Variants in ZNF536 observed in about 807,000 individuals in gnomAD.
ZNF536 encodes zinc finger protein 536.
A neutral mutation model predicts 84.5 loss-of-function variants in ZNF536; 13 were observed. The ratio of observed to expected loss-of-function variants is 0.15; its 90% CI spans 0.10 to 0.24. ZNF536 has a LOEUF of 0.24. Ranked by LOEUF, ZNF536 falls within the 10% of genes least tolerant of loss-of-function variation. ZNF536 has a pLI of 1.00. For missense variants in ZNF536, 1,536 were observed against 1,747.5 expected (o/e 0.88, Z 2.16); for synonymous variants, 811 against 742.5 (o/e 1.09, Z -1.50).
intron 2 of ZNF536, among the ~76,000 whole-genome samples, chr19:30,518,636 C>A (rs902358893): frequency 6.6e-6 from 1 of 152,216 alleles, no homozygotes; most frequent in Non-Finnish European, 1.5e-5. Flanking sequence ...AGAAGGACAT[C>A]TGAGGGAATG....
chr19:30,471,432 A>C (rs1390717004), intron 2 of ZNF536, among the ~76,000 whole-genome samples: 2 of 152,228 alleles, frequency 1.3e-5, no homozygotes, highest in South Asian at 4.1e-4. Flanking sequence ...ATAGAACATT[A>C]AACCAAATTC....
At chr19:30,570,471 C>T (rs894206443) in intron 1 of ZNF536, among the ~76,000 whole-genome samples, 5 of 152,122 alleles carry the variant, frequency 3.3e-5, no homozygotes, top group Non-Finnish European at 5.9e-5. Flanking sequence ...TTATTGTGCA[C>T]GTAGATATTA....
At chr19:30,293,863 G>A in intron 2 of ZNF536, among the ~76,000 whole-genome samples, 1 of 152,196 alleles carries the variant, frequency 6.6e-6, no homozygotes, top group East Asian at 1.9e-4. Flanking sequence ...GGGTGAGGGT[G>A]GCAGTTGCTT....
At chr19:30,231,295 G>T (rs993366850) in intron 1 of ZNF536, among the ~76,000 whole-genome samples, 3 of 152,218 alleles carry the variant, frequency 2.0e-5, no homozygotes, top group African/African-American at 7.2e-5. Flanking sequence ...TCCAAGTGAG[G>T]CCTTAGATTT....
chr19:30,636,256 A>G (rs2049060945), intron 1 of ZNF536, among the ~76,000 whole-genome samples: 1 of 152,120 alleles, frequency 6.6e-6, no homozygotes, highest in Non-Finnish European at 1.5e-5. Context: ...GGTCCTACGC[A>G]GACAGGAAAA....
chr19:30,593,309 G>A (rs2146821200), intron 1 of ZNF536, among the ~76,000 whole-genome samples: 1 of 152,258 alleles, frequency 6.6e-6, no homozygotes, highest in South Asian at 2.1e-4. Flanking sequence ...AGTGAGGGAG[G>A]AACCTCATGA....
intron 2 of ZNF536, among the ~76,000 whole-genome samples, chr19:30,335,616 C>T (rs2047357832): frequency 6.6e-6 from 1 of 152,156 alleles, no homozygotes; most frequent in South Asian, 2.1e-4. Context: ...TCCTCCCTGG[C>T]ACATCTTAGC....
intron 1 of ZNF536, among the ~76,000 whole-genome samples, chr19:30,432,278 G>A (rs866133771): frequency 5.9e-5 from 9 of 152,108 alleles, no homozygotes; most frequent in East Asian, 3.9e-4. Flanking sequence ...TCCCCTCTCC[G>A]GCATGGTGAC....
intron 1 of ZNF536, among the ~76,000 whole-genome samples, chr19:30,435,206 GTGA>G (rs1440007538): frequency 2.0e-5 from 3 of 150,350 alleles, no homozygotes; most frequent in African/African-American, 4.9e-5. Context: ...GCTGATGATG[GTGA>G]TGATGATGGT....
At chr19:30,433,777 G>A (rs566771575) in intron 1 of ZNF536, among the ~76,000 whole-genome samples, 18 of 152,276 alleles carry the variant, frequency 1.2e-4, no homozygotes, top group South Asian at 2.1e-4. Context: ...GATTACAGGC[G>A]TGAGCCACCA....
chr19:30,707,257 A>T (rs779060140), intron 1 of ZNF536, among the ~76,000 whole-genome samples: 7 of 152,144 alleles, frequency 4.6e-5, no homozygotes, highest in Non-Finnish European at 2.9e-5. Flanking sequence ...TGCCCATCCC[A>T]TTGCCTCTGA....
chr19:30,666,752 T>C (rs1352533934), intron 1 of ZNF536, among the ~76,000 whole-genome samples: 1 of 151,342 alleles, frequency 6.6e-6, no homozygotes, highest in African/African-American at 2.4e-5. Flanking sequence ...TGTATATATA[T>C]AATATAAATA....
intron 1 of ZNF536, among the ~76,000 whole-genome samples, chr19:30,700,288 C>T (rs1481263273): frequency 1.4e-5 from 2 of 144,364 alleles, no homozygotes; most frequent in Non-Finnish European, 3.0e-5. Flanking sequence ...TTCTTTCTCT[C>T]CCTCCCTCCT....
At chr19:30,564,694 G>A (rs895437327) in intron 1 of ZNF536, among the ~76,000 whole-genome samples, 1 of 152,234 alleles carries the variant, frequency 6.6e-6, no homozygotes, top group Non-Finnish European at 1.5e-5. Flanking sequence ...GCCAGTTTCA[G>A]GAGGAAATGC....
chr19:30,278,702 T>C (rs935975873), intron 1 of ZNF536, among the ~76,000 whole-genome samples: 8 of 152,194 alleles, frequency 5.3e-5, no homozygotes, highest in African/African-American at 1.9e-4. Flanking sequence ...CTCACTGCTT[T>C]GTCATGGAAC....
chr19:30,616,631 C>T lies in ZNF536; in HGVS notation c.169+67117C>T, dbSNP rs115400317. On this transcript the variant is annotated intron_variant, in intron 1 of 1. Transcript: ENST00000592773. ...ATGATTGATTGATTTTTAATATTTT[C>T]GTCAGGTTTGATAACCATATTATAT... 4.1e-3 allele frequency among the ~76,000 whole-genome samples: 628 copies of T among 152,128 alleles called. 6 individuals carry two copies. Among genetic ancestry groups the T allele is most frequent in the African/African-American group, 0.014 (594 of 41,500 alleles).
chr19:30,243,395 T>C (rs2024069698), intron 1 of ZNF536, among the ~76,000 whole-genome samples: 1 of 152,228 alleles, frequency 6.6e-6, no homozygotes. Context: ...GTATCATGCA[T>C]TATGAAATTT....
At chr19:30,303,182 A>G (rs986507794) in intron 2 of ZNF536, among the ~76,000 whole-genome samples, 3 of 151,998 alleles carry the variant, frequency 2.0e-5, no homozygotes, top group African/African-American at 7.3e-5. Flanking sequence ...GTCTCCTGGG[A>G]TGGGGACAGA....
At chr19:30,712,947 T>C (rs1264526859) in exon 2 of ZNF536, 2 of 96,326 alleles carry the variant, frequency 2.1e-5, no homozygotes, top group East Asian at 2.7e-4. Context: ...AAAAAAAACA[T>C]AAAAAAAAAA....
Sources: gnomAD v4.1 joint callset for allele counts (sites outside exome capture counted in the v4.1 genomes callset) on GRCh38, gnomAD v4.1.1 for gene constraint, MANE v1.5 for transcripts, NCBI Gene and HGNC (gene_info 2026-07-23, HGNC 2026-07-21) for gene names.